The following BARD1 variants were observed in gnomAD, a reference collection of about 807,000 sequenced individuals.
The protein encoded by BARD1 is BRCA1 associated RING domain 1, also known as BRCA1-associated RING domain protein 1.
In BARD1, 73 loss-of-function variants were observed where a neutral mutation model predicts 77.0. The observed-to-expected ratio is 0.95, with a 90% CI of 0.79 to 1.15. The LOEUF (loss-of-function observed/expected upper bound fraction) is 1.15. Among genes scored for constraint, BARD1 ranks in the 50% most tolerant of loss-of-function variants. The pLI is 0.00. For synonymous variants in BARD1, 384 were observed against 338.0 expected (o/e 1.14, Z -1.49); for missense variants, 993 against 938.8 (o/e 1.06, Z -0.75).
intron 3 of BARD1, among the ~76,000 whole-genome samples, chr2:214,781,729 G>T (rs1332215311): frequency 6.6e-6 from 1 of 151,998 alleles, no homozygotes; most frequent in Non-Finnish European, 1.5e-5. Flanking sequence ...TGAAGATATA[G>T]CAGAGAACAA....
Position 214,740,902 on chromosome 2 carries a change from GT to G in BARD1, c.1903+4164del, listed in dbSNP as rs957635041. 1.1e-4 allele frequency among the ~76,000 whole-genome samples: 16 copies of G among 150,650 alleles called. No homozygotes were observed. The South Asian group carries it at 1.3e-3, about 12-fold the overall frequency. ...CTAATCAATCTTAATTTATACGAAT[GT>G]TTTTTTTTAAATAATTAGCAAAGTC... On this transcript the variant is annotated intron_variant, in intron 9 of 10. Coordinates refer to ENST00000260947, the MANE Select transcript of BARD1 (RefSeq NM_000465.4).
intron 9 of BARD1, among the ~76,000 whole-genome samples, chr2:214,736,826 T>C (rs1328784013): frequency 1.3e-5 from 2 of 152,150 alleles, no homozygotes; most frequent in Admixed American, 6.6e-5. Context: ...GTAGTAAGTT[T>C]CTGTAAAGTA....
intron 4 of BARD1, among the ~76,000 whole-genome samples, chr2:214,772,825 G>C (rs1694568452): frequency 6.6e-6 from 1 of 152,122 alleles, no homozygotes; most frequent in South Asian, 2.1e-4. Context: ...ACAGTAACTG[G>C]AATAGCTTGA....
rs940095578 is a variant in BARD1 at position 214,738,521 on chromosome 2, CTACCTCA to C, written c.1903+6539_1903+6545del. ...AATTGCTAATAACCACTCTCTCCTCCTACCTCATAAAAGCATATACATCAGTAGATGT... is the reference window on the plus strand; with the variant it reads ...AATTGCTAATAACCACTCTCTCCTCCTAAAAGCATATACATCAGTAGATGT... On this transcript the variant is annotated intron_variant, in intron 9 of 10. Coordinates refer to ENST00000260947, the MANE Select transcript of BARD1 (RefSeq NM_000465.4). Among the ~76,000 whole-genome samples, 24 of 152,234 alleles carry C rather than the reference CTACCTCA, an allele frequency of 1.6e-4. 1 individual carries two copies. Among genetic ancestry groups the C allele is most frequent in the African/African-American group, 5.5e-4 (23 of 41,530 alleles).
At chr2:214,732,646 C>T (rs11682962) in intron 9 of BARD1, among the ~76,000 whole-genome samples, 103,461 of 152,006 alleles carry the variant, frequency 0.68, 35,648 homozygotes, top group East Asian at 0.91. Flanking sequence ...CTGCACACCT[C>T]AGCCTCCCAA....
At chr2:214,735,928 T>A (rs143904524) in intron 9 of BARD1, among the ~76,000 whole-genome samples, 1 of 152,068 alleles carries the variant, frequency 6.6e-6, no homozygotes, top group African/African-American at 2.4e-5. Context: ...TGATTACCCA[T>A]CATGTCAATC....
At chr2:214,772,977 A>C (rs73989342) in intron 4 of BARD1, among the ~76,000 whole-genome samples, 3,992 of 152,322 alleles carry the variant, frequency 0.026, 173 homozygotes, top group African/African-American at 0.091. Flanking sequence ...AATTTATCTA[A>C]GGAAAGTATT....
At chr2:214,754,540 G>C (rs1274459558) in intron 6 of BARD1, among the ~76,000 whole-genome samples, 2 of 152,192 alleles carry the variant, frequency 1.3e-5, no homozygotes, top group South Asian at 2.1e-4. Context: ...ATGAAAAACT[G>C]TTCAAGTGCT....
At chr2:214,781,563 T>C (rs1338074638) in intron 3 of BARD1, 54 bp from the exon 4 acceptor site, 1 of 1,449,518 alleles carries the variant, frequency 6.9e-7, no homozygotes, top group Non-Finnish European at 9.5e-7. Flanking sequence ...TGCTCCCACA[T>C]GGAGCTCCCG....
intron 9 of BARD1, among the ~76,000 whole-genome samples, chr2:214,740,256 A>T (rs1692759143): frequency 6.6e-6 from 1 of 152,074 alleles, no homozygotes; most frequent in Non-Finnish European, 1.5e-5. Flanking sequence ...AACAGGTATA[A>T]AAGACCTGTT....
intron 1 of BARD1, among the ~76,000 whole-genome samples, chr2:214,806,382 G>T (rs1696270874): frequency 6.6e-6 from 1 of 152,162 alleles, no homozygotes; most frequent in African/African-American, 2.4e-5. Context: ...TGAATGGAGG[G>T]TAGCAAATGG....
At chr2:214,786,287 A>G (rs1347730786) in intron 3 of BARD1, among the ~76,000 whole-genome samples, 1 of 152,082 alleles carries the variant, frequency 6.6e-6, no homozygotes, top group Non-Finnish European at 1.5e-5. Flanking sequence ...TTTCTTTTCA[A>G]CATTCTCATG....
At chr2:214,771,924 G>GAAAAAAAAAAAAAA (rs10602414) in intron 4 of BARD1, among the ~76,000 whole-genome samples, 2 of 107,162 alleles carry the variant, frequency 1.9e-5, no homozygotes, top group African/African-American at 7.3e-5. Flanking sequence ...CCAGTTTCAG[G>GAAAAAAAAAAAAAA]AAAAAAAAAA....
chr2:214,725,809 A>G lies in BARD1; in HGVS notation c.*2867T>C. ...GACAAGCATTAGTTCCTACCATTTT[A>G]ATGTGTTCAGGGTAGGAAACAGAAT... is the stretch of plus-strand genomic sequence containing the variant. On this transcript the variant is annotated 3_prime_UTR_variant, in exon 11 of 11. Coordinates refer to ENST00000260947, the MANE Select transcript of BARD1 (RefSeq NM_000465.4). 4.5e-6 allele frequency: 1 copy of G among 222,004 alleles called. No homozygotes were observed. The highest frequency in any genetic ancestry group is 9.0e-6 in the Non-Finnish European group (1 of 110,870). 13.8% of individuals were successfully genotyped at this position (222,004 alleles called of 1,614,324 possible). A position where few individuals can be genotyped will look rare whatever the true frequency, so the allele number is the denominator to read the frequency against.
Position 214,728,481 on chromosome 2 carries a change from A to G in BARD1, c.*195T>C. 2 of 618,404 alleles carry G rather than the reference A, an allele frequency of 3.2e-6. No homozygotes were observed. Among genetic ancestry groups the G allele is most frequent in the Non-Finnish European group, 5.5e-6 (2 of 361,100 alleles). The allele number at this position is 618,404 out of a possible 1,614,324, so 38.3% of individuals were successfully genotyped here. A position where few individuals can be genotyped will look rare whatever the true frequency, so the allele number is the denominator to read the frequency against. On this transcript the variant is annotated 3_prime_UTR_variant, in exon 11 of 11. Transcript: ENST00000260947. ...AATTTTAAAAAGAAAAACCTTTAAA[A>G]GCAATCCCAGCTTCTAAATGGTAAA...
intron 9 of BARD1, among the ~76,000 whole-genome samples, chr2:214,733,924 C>G (rs1479178703): frequency 6.6e-6 from 1 of 152,092 alleles, no homozygotes; most frequent in East Asian, 1.9e-4. Context: ...AGGTTAATAG[C>G]TTATACATAG....
At chr2:214,769,018 T>G (rs898344149) in intron 5 of BARD1, among the ~76,000 whole-genome samples, 2 of 152,200 alleles carry the variant, frequency 1.3e-5, no homozygotes, top group African/African-American at 4.8e-5. Flanking sequence ...TTCCTAAATC[T>G]AAAGGTAGTC....
chr2:214,728,689 G>C lies in BARD1; in HGVS notation c.2321C>G (p.Pro774Arg), dbSNP rs1208217643. ...CTGGTATAATATTCAGCTGTCAAGAGGAAGCAACTCAAAGGACATCACACA... is the reference window on the plus strand; with the variant it reads ...CTGGTATAATATTCAGCTGTCAAGACGAAGCAACTCAAAGGACATCACACA... ...IDCVMSFELL[P>R]LDS Residue 774 changes from proline (P) to arginine (R), a missense_variant, in exon 11 of 11, where the codon CCT becomes CGT. Transcript: ENST00000260947. The C allele has an allele frequency of 6.2e-7, 1 of 1,614,152 alleles. No homozygotes were observed. Among genetic ancestry groups the C allele is most frequent in the South Asian group, 1.1e-5 (1 of 91,084 alleles).
chr2:214,737,399 C>A (rs999762220), intron 9 of BARD1, among the ~76,000 whole-genome samples: 3 of 152,086 alleles, frequency 2.0e-5, no homozygotes, highest in African/African-American at 7.2e-5. Flanking sequence ...GAGATGAGAA[C>A]TGAAATATCC....
Sources: allele counts gnomAD v4.1 joint callset (sites outside exome capture counted in the v4.1 genomes callset), GRCh38; gene constraint gnomAD v4.1.1; transcripts MANE v1.5; gene names NCBI Gene and HGNC (gene_info 2026-07-23, HGNC 2026-07-21).